Variants in SPAG16 observed in about 807,000 individuals in gnomAD.
The protein encoded by SPAG16 is sperm associated antigen 16.
In SPAG16, 86 loss-of-function variants were observed where a neutral mutation model predicts 80.4. That is an observed-to-expected ratio of 1.07 (90% confidence interval 0.90 to 1.28). The LOEUF (loss-of-function observed/expected upper bound fraction) is 1.28. Among genes scored for constraint, SPAG16 ranks in the 50% most tolerant of loss-of-function variants. The pLI is 0.00. For synonymous variants in SPAG16, 294 were observed against 265.9 expected, an observed-to-expected ratio of 1.11 and a Z score of -1.03; for missense variants, 870 against 765.3, an observed-to-expected ratio of 1.14 and a Z score of -1.61.
intron 12 of SPAG16, among the ~76,000 whole-genome samples, chr2:214,013,112 A>G (rs1182496022): frequency 2.6e-5 from 4 of 151,836 alleles, no homozygotes; most frequent in Admixed American, 6.6e-5. Context: ...CCACTAATTA[A>G]TTCCCAGGCT....
Position 214,301,949 on chromosome 2 carries a change from C to T in SPAG16, c.1721-108191C>T, listed in dbSNP as rs138524631. Among the ~76,000 whole-genome samples the T allele has an allele frequency of 1.8e-3, 273 of 152,146 alleles. 2 individuals carry two copies. Among genetic ancestry groups the T allele is most frequent in the African/African-American group, 5.9e-3 (247 of 41,530 alleles). ...TTTTTCATAGCACTGAGCTTGCTCT[C>T]TCCTATAGGTTTTGGTATGTTGTGT... On this transcript the variant is annotated intron_variant, in intron 15 of 15. Transcript: ENST00000331683.
At chr2:213,705,805 T>C (rs1459417436) in intron 10 of SPAG16, among the ~76,000 whole-genome samples, 1 of 152,022 alleles carries the variant, frequency 6.6e-6, no homozygotes, top group Non-Finnish European at 1.5e-5. Context: ...GTTGTTGTTG[T>C]TGTTGTTGTT....
At chr2:213,847,453 G>A (rs1296031814) in intron 10 of SPAG16, among the ~76,000 whole-genome samples, 1 of 152,110 alleles carries the variant, frequency 6.6e-6, no homozygotes, top group Non-Finnish European at 1.5e-5. Flanking sequence ...GCAAAAGCAA[G>A]AGCAAGAGAG....
intron 13 of SPAG16, among the ~76,000 whole-genome samples, chr2:214,046,015 G>GAC (rs2049301379): frequency 6.6e-6 from 1 of 151,986 alleles, no homozygotes; most frequent in Admixed American, 6.6e-5. Context: ...TGAAAAAGAA[G>GAC]ACACTATAAC....
At chr2:213,893,161 C>A (rs1053982558) in intron 11 of SPAG16, among the ~76,000 whole-genome samples, 1 of 152,078 alleles carries the variant, frequency 6.6e-6, no homozygotes, top group Non-Finnish European at 1.5e-5. Context: ...GACATTTCTA[C>A]TAAAGTGCTG....
chr2:214,330,333 G>C (rs1696827997), intron 15 of SPAG16, among the ~76,000 whole-genome samples: 1 of 151,702 alleles, frequency 6.6e-6, no homozygotes. Context: ...CACAAACACA[G>C]CTAGAACTTT....
At chr2:214,082,975 T>G (rs953719544) in intron 13 of SPAG16, among the ~76,000 whole-genome samples, 2 of 152,218 alleles carry the variant, frequency 1.3e-5, no homozygotes, top group Non-Finnish European at 2.9e-5. Flanking sequence ...AATTGCAGTC[T>G]TCTCCTCACC....
chr2:214,075,968 C>CATA (rs576930003), intron 13 of SPAG16, among the ~76,000 whole-genome samples: 33 of 152,132 alleles, frequency 2.2e-4, no homozygotes, highest in Middle Eastern at 3.4e-3. Flanking sequence ...TCTGTCATAT[C>CATA]CCCTTATATG....
intron 11 of SPAG16, among the ~76,000 whole-genome samples, chr2:213,921,881 T>G (rs1420394405): frequency 6.6e-6 from 1 of 152,236 alleles, no homozygotes; most frequent in African/African-American, 2.4e-5. Flanking sequence ...CTTGAAGAGT[T>G]TCTGCTGAAA....
chr2:213,770,231 G>A (rs1313103249), intron 10 of SPAG16, among the ~76,000 whole-genome samples: 1 of 152,046 alleles, frequency 6.6e-6, no homozygotes, highest in Non-Finnish European at 1.5e-5. Flanking sequence ...AAGGTTTTGT[G>A]ATGATTTATT....
At chr2:214,341,611 GA>G (rs938020814) in intron 15 of SPAG16, among the ~76,000 whole-genome samples, 4 of 151,988 alleles carry the variant, frequency 2.6e-5, no homozygotes, top group South Asian at 2.1e-4. Context: ...GATTCTGGAT[GA>G]AAAAAAATGA....
chr2:213,875,638 ACT>A (rs533647933), intron 11 of SPAG16, among the ~76,000 whole-genome samples: 62 of 152,218 alleles, frequency 4.1e-4, no homozygotes, highest in Non-Finnish European at 6.0e-4. Context: ...AAGGGACCAG[ACT>A]CTGCGGAATT....
chr2:213,297,550 T>C (rs1423962673), intron 3 of SPAG16, among the ~76,000 whole-genome samples, 193 bp downstream of exon 3: 2 of 152,168 alleles, frequency 1.3e-5, no homozygotes, highest in Non-Finnish European at 2.9e-5. Context: ...ATTGCCATTC[T>C]CCACATCATG....
chr2:213,532,788 A>G (rs1441996816), intron 10 of SPAG16, among the ~76,000 whole-genome samples: 1 of 152,154 alleles, frequency 6.6e-6, no homozygotes, highest in Admixed American at 6.6e-5. Context: ...TAAAACTTGA[A>G]TATGATTTTA....
At chr2:213,917,892 A>G (rs1461802489) in intron 11 of SPAG16, among the ~76,000 whole-genome samples, 2 of 152,136 alleles carry the variant, frequency 1.3e-5, no homozygotes, top group South Asian at 2.1e-4. Flanking sequence ...CCCATTCAGT[A>G]TGATGTTGGT....
At chr2:213,580,271 CCA>C (rs922984480) in intron 10 of SPAG16, among the ~76,000 whole-genome samples, 1 of 152,102 alleles carries the variant, frequency 6.6e-6, no homozygotes, top group African/African-American at 2.4e-5. Context: ...TCATACTTCT[CCA>C]CAAATACCCA....
At chr2:213,496,303 T>G (rs1343039108) in intron 10 of SPAG16, among the ~76,000 whole-genome samples, 1 of 152,158 alleles carries the variant, frequency 6.6e-6, no homozygotes, top group Non-Finnish European at 1.5e-5. Flanking sequence ...TTAAGAATGA[T>G]TCCAAGGTTT....
intron 8 of SPAG16, among the ~76,000 whole-genome samples, chr2:213,369,146 G>A (rs1443348123): frequency 1.3e-5 from 2 of 152,244 alleles, no homozygotes; most frequent in Admixed American, 6.5e-5. Context: ...TAGATAAAAT[G>A]TAGACATTTT....
At chr2:214,363,936 G>C (rs889287809) in intron 15 of SPAG16, among the ~76,000 whole-genome samples, 11 of 152,068 alleles carry the variant, frequency 7.2e-5, no homozygotes, top group Admixed American at 1.3e-4. Flanking sequence ...AAGCATGGGA[G>C]CTTCTTTCTC....
Sources: gnomAD v4.1 joint callset for allele counts (sites outside exome capture counted in the v4.1 genomes callset) on GRCh38, gnomAD v4.1.1 for gene constraint, MANE v1.5 for transcripts, NCBI Gene and HGNC (gene_info 2026-07-23, HGNC 2026-07-21) for gene names.